Variants in TTC22 observed in about 807,000 individuals in gnomAD.
TTC22 encodes the protein tetratricopeptide repeat domain 22, also known as tetratricopeptide repeat protein 22.
TTC22 carries 42 observed loss-of-function variants against 48.2 expected under a neutral mutation model. The observed-to-expected ratio is 0.87, with a 90% CI of 0.68 to 1.13. The LOEUF is 1.13. Ranked by LOEUF, TTC22 falls within the 50% of genes most tolerant of loss-of-function variation. The pLI, the probability that TTC22 is intolerant of heterozygous loss-of-function variation, is 0.00. For synonymous variants in TTC22, 345 were observed against 365.5 expected, an observed-to-expected ratio of 0.94 and a Z score of 0.64; for missense variants, 784 against 807.0, an observed-to-expected ratio of 0.97 and a Z score of 0.34.
rs1646436519 is a variant in TTC22 at position 54,801,254 on chromosome 1, G to A, written c.-91C>T. 20 of 1,334,618 alleles carry A rather than the reference G, an allele frequency of 1.5e-5. 1 individual carries two copies. The highest frequency in any genetic ancestry group is 5.2e-5 in the Admixed American group (2 of 38,700). The allele number at this position is 1,334,618 out of a possible 1,614,324, so 82.7% of individuals were successfully genotyped here. A position where few individuals can be genotyped will look rare whatever the true frequency, so the allele number is the denominator to read the frequency against. Reference sequence around the variant, plus strand: ...GCGTTCCCCGAGCGAGCTCCGTGCGGGAGGCGAGGGGCAGCCGGCAGAGGC... The same window carrying A: ...GCGTTCCCCGAGCGAGCTCCGTGCGAGAGGCGAGGGGCAGCCGGCAGAGGC... On this transcript the variant is annotated 5_prime_UTR_variant, in exon 1 of 7. Coordinates refer to ENST00000371276, the MANE Select transcript of TTC22 (RefSeq NM_001114108.2).
Position 54,781,397 on chromosome 1 carries a change from C to G in TTC22, c.1556G>C (p.Arg519Pro). The stretch of plus-strand genomic sequence containing the variant: ...CTCGTCCGTGTGCCCGCGCCACACG[C>G]GCTGCAGCTCCTGGCGCAGGCGCGC... ...PAARLRQELQ[R>P]VWRGHTDEVL... The change falls in exon 7 of 7, where the codon CGC (arginine) becomes CCC (proline). Residue 519 changes from arginine (R) to proline (P), a missense_variant. Coordinates refer to ENST00000371276, the MANE Select transcript of TTC22 (RefSeq NM_001114108.2). The G allele has an allele frequency of 7.2e-7, 1 of 1,386,448 alleles. No homozygotes were observed. Among genetic ancestry groups the G allele is most frequent in the Non-Finnish European group, 9.3e-7 (1 of 1,080,906 alleles). 85.9% of individuals were successfully genotyped at this position (1,386,448 alleles called of 1,614,324 possible).
intron 6 of TTC22, 58 bp downstream of exon 6, chr1:54,782,267 T>C (rs1646268604): frequency 6.9e-7 from 1 of 1,456,344 alleles, no homozygotes; most frequent in Non-Finnish European, 9.1e-7. Context: ...TGGTCTAGCC[T>C]GGCAAGGAGT....
At chr1:54,783,253 A>G (rs1384731486) in intron 5 of TTC22, among the ~76,000 whole-genome samples, 1 of 152,164 alleles carries the variant, frequency 6.6e-6, no homozygotes, top group Non-Finnish European at 1.5e-5. Context: ...GGGGGAGATG[A>G]ATCTCTGGCT....
intron 1 of TTC22, among the ~76,000 whole-genome samples, chr1:54,795,423 C>G (rs1646383271): frequency 1.3e-5 from 2 of 152,228 alleles, no homozygotes; most frequent in Admixed American, 6.5e-5. Flanking sequence ...CTAGGTCTGT[C>G]ATGCAAACAC....
intron 1 of TTC22, among the ~76,000 whole-genome samples, chr1:54,793,271 T>C (rs1646366786): frequency 6.6e-6 from 1 of 152,194 alleles, no homozygotes; most frequent in Admixed American, 6.5e-5. Context: ...ATGAAATTTG[T>C]AGACCCTGGT....
chr1:54,790,368 A>G (rs1416970919), intron 1 of TTC22, among the ~76,000 whole-genome samples: 1 of 151,938 alleles, frequency 6.6e-6, no homozygotes, highest in African/African-American at 2.4e-5. Flanking sequence ...CAACAAAGTG[A>G]GACCGTGTTT....
In TTC22 at chr1:54,780,784, AC is replaced by A. The variant is rs985378912; in HGVS notation, c.*458del. 2 of 153,476 alleles carry A rather than the reference AC, an allele frequency of 1.3e-5. No individual in the cohort carries two copies. The highest frequency in any genetic ancestry group is 4.8e-5 in the African/African-American group (2 of 41,612). 9.5% of individuals were successfully genotyped at this position (153,476 alleles called of 1,614,324 possible). ...GGCTTTTCTGGCTGCAGGAGCTGAG[AC>A]CACACTCCAGTCAACTAAAGTAAAC... On this transcript the variant is annotated 3_prime_UTR_variant, in exon 7 of 7. Transcript: ENST00000371276.
intron 1 of TTC22, among the ~76,000 whole-genome samples, chr1:54,798,932 G>A (rs1646412104): frequency 6.6e-6 from 1 of 152,194 alleles, no homozygotes; most frequent in African/African-American, 2.4e-5. Flanking sequence ...AACAGAACTA[G>A]GTGCTCAGAA....
chr1:54,785,385 C>T (rs1314973366), intron 5 of TTC22: 11 of 284,672 alleles, frequency 3.9e-5, no homozygotes, highest in East Asian at 2.6e-4. Flanking sequence ...TTCCACAAGG[C>T]GGAGAAGCCA....
Position 54,800,845 on chromosome 1 carries a change from C to T in TTC22, c.319G>A (p.Ala107Thr). The change falls in exon 1 of 7, where the codon GCA becomes ACA. Residue 107 changes from alanine (A) to threonine (T), a missense_variant. Transcript: ENST00000371276. ...PGNLNAWANL[A>T]HVYGRLGQEE... ...TGGCCCAGCCGCCCGTACACGTGTG[C>T]CAGATTGGCCCAGGCATTGAGGTTG... 2 of 1,608,454 alleles carry T rather than the reference C, an allele frequency of 1.2e-6. No individual in the cohort carries two copies. Among genetic ancestry groups the T allele is most frequent in the Non-Finnish European group, 1.7e-6 (2 of 1,178,386 alleles).
chr1:54,796,552 A>C (rs900159939), intron 1 of TTC22, among the ~76,000 whole-genome samples: 1 of 152,248 alleles, frequency 6.6e-6, no homozygotes, highest in Non-Finnish European at 1.5e-5. Context: ...CCCGGTGCAC[A>C]GACACCATTG....
At position 54,787,765 on chromosome 1, in the gene TTC22, G is replaced by A. The variant is rs760996734; in HGVS notation, c.685C>T (p.Arg229Cys). Residue 229 changes from arginine (R) to cysteine (C), a missense_variant, in exon 3 of 7, where the codon CGC becomes TGC. Transcript: ENST00000371276. The stretch of plus-strand genomic sequence containing the variant: ...ACTTGCCGGAGTAGGGCCAGCGTGC[G>A]GTTGAAGGCAGGCAGTCTCTTCTGC... Reference protein sequence around the residue: ...EEQKRLPAFNRTLALLRQVLK... With the variant: ...EEQKRLPAFNCTLALLRQVLK... 54 of 1,613,492 alleles carry A rather than the reference G, an allele frequency of 3.3e-5. No individual in the cohort carries two copies. The highest frequency in any genetic ancestry group is 1.6e-4 in the East Asian group (7 of 44,864).
Position 54,789,337 on chromosome 1 carries a change from G to C in TTC22, c.568-1240C>G, listed in dbSNP as rs140197164. Among the ~76,000 whole-genome samples the C allele has an allele frequency of 2.7e-3, 415 of 152,364 alleles. 5 individuals are homozygous for C. Among genetic ancestry groups the C allele is most frequent in the South Asian group, 0.02 (99 of 4,834 alleles). ...CTTGGGTCATATTGGCACTTCAAAG[G>C]GTGGGCTCCAGATGGAGGGCTCCCG... On this transcript the variant is annotated intron_variant, in intron 1 of 6. Coordinates refer to ENST00000371276, the MANE Select transcript of TTC22 (RefSeq NM_001114108.2).
chr1:54,781,765 C>A lies in TTC22; in HGVS notation c.1188G>T (p.Met396Ile). 1 of 1,461,842 alleles carries A rather than the reference C, an allele frequency of 6.8e-7. No individual in the cohort carries two copies. Among genetic ancestry groups the A allele is most frequent in the South Asian group, 1.3e-5 (1 of 74,774 alleles). The allele number at this position is 1,461,842 out of a possible 1,614,324, so 90.6% of individuals were successfully genotyped here. ...YLDIGQVYYY[M>I]GVDAVQELLA... ...GCAGCTCCTGCACCGCGTCCACGCC[C>A]ATATAGTAGTAGACCTGGGGTCGGG... The change falls in exon 7 of 7, where the codon ATG becomes ATT. Residue 396 changes from methionine (M) to isoleucine (I), a missense_variant. By Grantham distance (10) the Met-to-Ile change is conservative (BLOSUM62 1). Coordinates refer to ENST00000371276, the MANE Select transcript of TTC22 (RefSeq NM_001114108.2).
In TTC22 at chr1:54,781,520, G is replaced by A. The variant is rs1365808699; in HGVS notation, c.1433C>T (p.Ala478Val). 2 of 1,511,748 alleles carry A rather than the reference G, an allele frequency of 1.3e-6. No individual in the cohort carries two copies. Among genetic ancestry groups the A allele is most frequent in the Admixed American group, 2.0e-5 (1 of 48,790 alleles). 93.6% of individuals were successfully genotyped at this position (1,511,748 alleles called of 1,614,324 possible). The stretch of plus-strand genomic sequence containing the variant: ...TGCCTGGCTCCACTGCGCCAGCAGC[G>A]CCTCGAGCAGGCAGCCGAAGCCGTC... ...HTDGFGCLLEALLAQWSQAQL... is the reference protein window; with the variant it reads ...HTDGFGCLLEVLLAQWSQAQL... Residue 478 changes from alanine (A) to valine (V), a missense_variant, in exon 7 of 7, where the codon GCG becomes GTG. Transcript: ENST00000371276.
chr1:54,781,453 C>G lies in TTC22; in HGVS notation c.1500G>C (p.Trp500Cys), dbSNP rs112925929. 5 of 1,452,062 alleles carry G rather than the reference C, an allele frequency of 3.4e-6. No individual in the cohort carries two copies. In the South Asian group the frequency reaches 5.5e-5, roughly 16 times the overall value. 89.9% of individuals were successfully genotyped at this position (1,452,062 alleles called of 1,614,324 possible). A position where few individuals can be genotyped will look rare whatever the true frequency, so the allele number is the denominator to read the frequency against. ...DGELGREVDA[W>C]LRRAQDKYPA... ...GGTACTTGTCCTGGGCGCGGCGCAG[C>G]CAGGCGTCCACCTCGCGGCCCAGCT... The change falls in exon 7 of 7, where the codon TGG becomes TGC. Residue 500 changes from tryptophan to cysteine, a missense_variant. Coordinates refer to ENST00000371276, the MANE Select transcript of TTC22 (RefSeq NM_001114108.2).
intron 1 of TTC22, 54 bp from the exon 2 acceptor site, chr1:54,788,151 G>A (rs1240627050): frequency 6.4e-6 from 10 of 1,556,334 alleles, no homozygotes; most frequent in Non-Finnish European, 8.9e-6. Context: ...TCTGGCCATT[G>A]TTCATAAACT....
At chr1:54,782,214 A>G (rs1646268239) in intron 6 of TTC22, 111 bp downstream of exon 6, 4 of 1,109,100 alleles carry the variant, frequency 3.6e-6, no homozygotes, top group Non-Finnish European at 2.5e-6. Flanking sequence ...GGGTACTGTT[A>G]TCAGGGAGTG....
chr1:54,782,404 T>C lies in TTC22; in HGVS notation c.1094A>G (p.His365Arg), dbSNP rs374047697. The change falls in exon 6 of 7, where the codon CAC becomes CGC. Residue 365 changes from histidine (H) to arginine (R), a missense_variant. Coordinates refer to ENST00000371276, the MANE Select transcript of TTC22 (RefSeq NM_001114108.2). Reference protein sequence around the residue: ...MGLGGMPDRNHLACAKADLEE... With the variant: ...MGLGGMPDRNRLACAKADLEE... ...AAGGTCAGCCTTGGCACAGGCCAGG[T>C]GGTTCCTGTCAGGCATGCCCCCGAG... 91 of 1,551,418 alleles carry C rather than the reference T, an allele frequency of 5.9e-5. No individual in the cohort carries two copies. In the African/African-American group the frequency reaches 8.3e-4, roughly 14 times the overall value.
Sources: allele counts gnomAD v4.1 joint callset (sites outside exome capture counted in the v4.1 genomes callset), GRCh38; gene constraint gnomAD v4.1.1; transcripts MANE v1.5; gene names NCBI Gene and HGNC (gene_info 2026-07-23, HGNC 2026-07-21).